Variants in CALN1 observed in about 807,000 individuals in gnomAD.
CALN1 encodes calneuron 1.
Under a neutral mutation model 30.6 loss-of-function variants are expected in CALN1, and 17 were observed. The observed-to-expected ratio is 0.56, with a 90% CI of 0.38 to 0.83. CALN1 has a LOEUF of 0.83. Among genes scored for constraint, CALN1 ranks in the 40% least tolerant of loss-of-function variants. The pLI, the probability that CALN1 is intolerant of heterozygous loss-of-function variation, is 0.00. For synonymous variants in CALN1, 156 were observed against 131.4 expected (o/e 1.19, Z -1.28); for missense variants, 291 against 354.9 (o/e 0.82, Z 1.45).
At chr7:71,871,341 CGG>C (rs1791914519) in intron 5 of CALN1, among the ~76,000 whole-genome samples, 1 of 152,146 alleles carries the variant, frequency 6.6e-6, no homozygotes, top group Non-Finnish European at 1.5e-5. Flanking sequence ...CTCATTTCCC[CGG>C]TATCTGTAGC....
intron 3 of CALN1, among the ~76,000 whole-genome samples, chr7:72,150,906 G>GATGATGATGA (rs1371937574): frequency 9.5e-6 from 1 of 105,810 alleles, no homozygotes; most frequent in Non-Finnish European, 2.4e-5. Context: ...GATGATGATG[G>GATGATGATGA]TGACGATGAC....
chr7:72,050,462 A>G (rs1008919983), intron 4 of CALN1, among the ~76,000 whole-genome samples: 6 of 152,184 alleles, frequency 3.9e-5, no homozygotes, highest in African/African-American at 1.4e-4. Flanking sequence ...TAATTTTTCA[A>G]AGCTGAAATA....
At chr7:71,810,843 T>A (rs4562204) in intron 5 of CALN1, among the ~76,000 whole-genome samples, 53,639 of 151,554 alleles carry the variant, frequency 0.35, 10,147 homozygotes, top group East Asian at 0.6. Flanking sequence ...GTCTCTAAAA[T>A]TTTTATAATT....
At chr7:71,897,682 G>T (rs1251720528) in intron 5 of CALN1, among the ~76,000 whole-genome samples, 1 of 151,540 alleles carries the variant, frequency 6.6e-6, no homozygotes. Context: ...GAGGAGAGGG[G>T]CTGGGGGGAA....
chr7:71,798,033 G>C lies in CALN1; in HGVS notation c.659-10131C>G, dbSNP rs566880197. Among the ~76,000 whole-genome samples the C allele has an allele frequency of 4.5e-4, 68 of 151,330 alleles. 2 individuals carry two copies. Among genetic ancestry groups the C allele is most frequent in the African/African-American group, 1.7e-3 (68 of 41,152 alleles). On this transcript the variant is annotated intron_variant, in intron 6 of 6. Transcript: ENST00000395275. ...GAGTTAAAAAGGACAGAGAGAGGGA[G>C]AGGCAGAGAGCAGGCAAGAGAGAGA...
At chr7:72,190,747 T>C (rs1365951069) in intron 3 of CALN1, among the ~76,000 whole-genome samples, 1 of 152,262 alleles carries the variant, frequency 6.6e-6, no homozygotes, top group Non-Finnish European at 1.5e-5. Context: ...AGATGCCTCC[T>C]GGGAGAGGTT....
At chr7:71,836,818 A>G (rs1789637949) in intron 5 of CALN1, among the ~76,000 whole-genome samples, 5 of 151,454 alleles carry the variant, frequency 3.3e-5, no homozygotes, top group African/African-American at 2.4e-5. Flanking sequence ...GGGTTTCACT[A>G]TGTTGGCCAG....
chr7:71,912,618 T>C (rs1039065656), intron 5 of CALN1, among the ~76,000 whole-genome samples: 1 of 152,098 alleles, frequency 6.6e-6, no homozygotes, highest in Non-Finnish European at 1.5e-5. Context: ...ACTCACCCAG[T>C]AGATATAACT....
intron 3 of CALN1, among the ~76,000 whole-genome samples, chr7:72,241,762 CA>C (rs1180242705): frequency 1.3e-5 from 2 of 151,760 alleles, no homozygotes; most frequent in Non-Finnish European, 2.9e-5. Context: ...ATGTCTAAAA[CA>C]ACAGATACCA....
At chr7:72,498,877 T>C in the CALN1 span, among the ~76,000 whole-genome samples, 1 of 152,158 alleles carries the variant, frequency 6.6e-6, no homozygotes, top group African/African-American at 2.4e-5. Context: ...TTCTTATGAA[T>C]TATTCATATA....
Position 72,157,572 on chromosome 7 carries a change from G to A in CALN1, c.245-51278C>T, listed in dbSNP as rs114740707. 7.3e-3 allele frequency among the ~76,000 whole-genome samples: 1,102 copies of A among 151,242 alleles called. 16 individuals carry two copies. The highest frequency in any genetic ancestry group is 0.025 in the African/African-American group (1,030 of 41,334). On this transcript the variant is annotated intron_variant, in intron 3 of 6. Coordinates refer to ENST00000395275, the MANE Select transcript of CALN1 (RefSeq NM_031468.4). The stretch of plus-strand genomic sequence containing the variant: ...AAACAAAAAGACTTTTAGGAAGACA[G>A]GGGAAAAAAAAAACAGGGTATTTTT...
chr7:72,017,017 A>AAAAAAAAAAAAAAAAAAT (rs1562979451), intron 5 of CALN1, among the ~76,000 whole-genome samples: 1 of 147,484 alleles, frequency 6.8e-6, no homozygotes, highest in African/African-American at 2.6e-5. Flanking sequence ...AAAAAAAAAA[A>AAAAAAAAAAAAAAAAAAT]GCTGGGTATG....
intron 3 of CALN1, among the ~76,000 whole-genome samples, chr7:72,261,808 C>G (rs74301558): frequency 6.6e-6 from 1 of 152,160 alleles, no homozygotes; most frequent in Non-Finnish European, 1.5e-5. Context: ...GTGGAACAAA[C>G]AAACTCTTAA....
intron 6 of CALN1, among the ~76,000 whole-genome samples, chr7:71,810,051 A>C (rs1404317189): frequency 1.3e-5 from 2 of 152,184 alleles, no homozygotes; most frequent in African/African-American, 4.8e-5. Context: ...GGCAAACAGC[A>C]CAAAACCACA....
At chr7:71,861,091 A>G (rs1791243128) in intron 5 of CALN1, among the ~76,000 whole-genome samples, 1 of 152,180 alleles carries the variant, frequency 6.6e-6, no homozygotes, top group Admixed American at 6.5e-5. Flanking sequence ...TCATGTCTCC[A>G]AGAGATGCAT....
chr7:72,051,374 T>A (rs1451406225), intron 4 of CALN1, among the ~76,000 whole-genome samples: 2 of 152,148 alleles, frequency 1.3e-5, no homozygotes, highest in Non-Finnish European at 2.9e-5. Context: ...TTTGTGAAAC[T>A]ATTGACTTTA....
At chr7:72,092,036 G>T (rs1207407762) in intron 4 of CALN1, among the ~76,000 whole-genome samples, 1 of 152,108 alleles carries the variant, frequency 6.6e-6, no homozygotes, top group Admixed American at 6.6e-5. Flanking sequence ...GCATTAATAT[G>T]AAACTGTATC....
intron 2 of CALN1, among the ~76,000 whole-genome samples, chr7:72,294,668 G>C (rs1798726856): frequency 6.6e-6 from 1 of 151,808 alleles, no homozygotes; most frequent in Non-Finnish European, 1.5e-5. Context: ...AGGATCGTTT[G>C]AGCCCAAGAA....
At chr7:71,883,902 A>G (rs769286877) in intron 5 of CALN1, among the ~76,000 whole-genome samples, 3 of 152,168 alleles carry the variant, frequency 2.0e-5, no homozygotes, top group South Asian at 2.1e-4. Context: ...GAAACTGGAT[A>G]TATCAGCCTC....
Sources: gnomAD v4.1 joint callset for allele counts (sites outside exome capture counted in the v4.1 genomes callset) on GRCh38, gnomAD v4.1.1 for gene constraint, MANE v1.5 for transcripts, NCBI Gene and HGNC (gene_info 2026-07-23, HGNC 2026-07-21) for gene names.